The following BICC1 variants were observed in gnomAD, a reference collection of about 807,000 sequenced individuals.
The protein encoded by BICC1 is protein bicaudal C homolog 1.
BICC1 carries 43 observed loss-of-function variants against 111.0 expected under a neutral mutation model. The ratio of observed to expected loss-of-function variants is 0.39; its 90% CI spans 0.30 to 0.50. The LOEUF (loss-of-function observed/expected upper bound fraction) is 0.50. BICC1 is among the 20% of genes least tolerant of loss of function. BICC1 has a pLI of 0.88. For synonymous variants in BICC1, 467 were observed against 434.4 expected, an observed-to-expected ratio of 1.07 and a Z score of -0.93; for missense variants, 1,091 against 1,203.2, an observed-to-expected ratio of 0.91 and a Z score of 1.38.
chr10:58,569,029 A>G (rs143835599), intron 1 of BICC1, among the ~76,000 whole-genome samples: 1 of 152,308 alleles, frequency 6.6e-6, no homozygotes, highest in African/African-American at 2.4e-5. Context: ...TATTCCTAAG[A>G]ATTTTCAGCT....
intron 1 of BICC1, among the ~76,000 whole-genome samples, chr10:58,522,137 G>A (rs1332255844): frequency 2.6e-5 from 4 of 151,902 alleles, no homozygotes; most frequent in South Asian, 2.1e-4. Flanking sequence ...TGGGGGAGGA[G>A]CACAAATCTA....
intron 1 of BICC1, among the ~76,000 whole-genome samples, chr10:58,602,659 A>G (rs1845078769): frequency 6.6e-6 from 1 of 152,342 alleles, no homozygotes; most frequent in South Asian, 2.1e-4. Flanking sequence ...TTAATTTCAT[A>G]AAAGTAGGTG....
chr10:58,791,075 C>G (rs1247437782), intron 8 of BICC1, among the ~76,000 whole-genome samples: 1 of 152,114 alleles, frequency 6.6e-6, no homozygotes, highest in Non-Finnish European at 1.5e-5. Context: ...CAGACAAGAA[C>G]TTGTTGGAAT....
chr10:58,663,004 A>G (rs1838890212), intron 2 of BICC1, among the ~76,000 whole-genome samples: 1 of 151,094 alleles, frequency 6.6e-6, no homozygotes, highest in Admixed American at 6.6e-5. Flanking sequence ...TAAATGAAAG[A>G]TGTCATTTTT....
chr10:58,735,825 G>A (rs1841448871), intron 3 of BICC1, among the ~76,000 whole-genome samples: 1 of 152,142 alleles, frequency 6.6e-6, no homozygotes, highest in Non-Finnish European at 1.5e-5. Context: ...ATACTACAAG[G>A]TAACTGGATT....
intron 3 of BICC1, among the ~76,000 whole-genome samples, chr10:58,757,145 T>C (rs903026792): frequency 1.3e-5 from 2 of 152,206 alleles, no homozygotes; most frequent in Non-Finnish European, 2.9e-5. Context: ...CTTTAGAATA[T>C]ACAAGGACTG....
rs185478717 is a variant in BICC1 at position 58,786,597 on chromosome 10, G to A, written c.388-326G>A. On this transcript the variant is annotated intron_variant, in intron 4 of 20. Transcript: ENST00000373886. The stretch of plus-strand genomic sequence containing the variant: ...TTTAGTTATTTGAATTAAATGTTTC[G>A]TGAATAATGTCTTTAAAGACAAATT... 2.3e-4 allele frequency among the ~76,000 whole-genome samples: 35 copies of A among 152,122 alleles called. No homozygotes were observed. The East Asian group carries it at 5.2e-3, about 23-fold the overall frequency.
At chr10:58,813,777 C>A in intron 17 of BICC1, 53 bp from the exon 18 acceptor site, 2 of 1,580,788 alleles carry the variant, frequency 1.3e-6, no homozygotes, top group South Asian at 2.3e-5. Context: ...TCCTCCCACC[C>A]TGAAAAACCC....
intron 3 of BICC1, among the ~76,000 whole-genome samples, chr10:58,726,968 G>T (rs1484804100): frequency 3.3e-5 from 5 of 152,150 alleles, no homozygotes; most frequent in Non-Finnish European, 4.4e-5. Flanking sequence ...AGGAGGAGGG[G>T]TATATAGGTG....
intron 1 of BICC1, among the ~76,000 whole-genome samples, chr10:58,584,696 G>C (rs1844381430): frequency 6.6e-6 from 1 of 152,036 alleles, no homozygotes; most frequent in Non-Finnish European, 1.5e-5. Context: ...GTCCAACACT[G>C]AAGGGGTTTC....
intron 2 of BICC1, among the ~76,000 whole-genome samples, chr10:58,641,982 A>G (rs1353673791): frequency 6.6e-6 from 1 of 152,224 alleles, no homozygotes; most frequent in Non-Finnish European, 1.5e-5. Context: ...TTTAACATTG[A>G]AACATAGTTA....
At chr10:58,557,296 A>G (rs572909371) in intron 1 of BICC1, among the ~76,000 whole-genome samples, 1 of 147,686 alleles carries the variant, frequency 6.8e-6, no homozygotes, top group Admixed American at 6.8e-5. Flanking sequence ...TGTTTTAAAG[A>G]TTGTCTTTAA....
chr10:58,577,532 T>C (rs1213813100), intron 1 of BICC1, among the ~76,000 whole-genome samples: 1 of 152,198 alleles, frequency 6.6e-6, no homozygotes, highest in African/African-American at 2.4e-5. Flanking sequence ...AGAAACATTT[T>C]TGAGGAAGTC....
chr10:58,661,435 C>G (rs536275023), intron 2 of BICC1, among the ~76,000 whole-genome samples: 1 of 152,184 alleles, frequency 6.6e-6, no homozygotes, highest in South Asian at 2.1e-4. Flanking sequence ...TTATAAAAAT[C>G]AAAGCACCAA....
intron 1 of BICC1, among the ~76,000 whole-genome samples, chr10:58,603,748 C>G (rs1482907430): frequency 6.6e-6 from 1 of 152,046 alleles, no homozygotes; most frequent in African/African-American, 2.4e-5. Context: ...ATTCTACTTG[C>G]AGTGAAAATG....
chr10:58,808,651 G>A (rs1843791453), intron 17 of BICC1, among the ~76,000 whole-genome samples: 1 of 152,076 alleles, frequency 6.6e-6, no homozygotes, highest in South Asian at 2.1e-4. Context: ...TGCTGAGAAG[G>A]GCATTGGAGA....
Position 58,798,461 on chromosome 10 carries a change from GC to G in BICC1, c.1430del (p.Ala477ValfsTer42). 6.2e-7 allele frequency: 1 copy of G among 1,613,298 alleles called. No homozygotes were observed. Reference protein sequence around the residue: ...TSTTPNSLLNALNSSVSPLQS... With the variant: ...TSTTPNSLLNXLNSSVSPLQS... ...AACAACCCCAAACTCACTCTTGAAT[GC>G]TCTTAATAGCTCAGTCAGTCCTTTG... On this transcript the variant is annotated frameshift_variant, in exon 11 of 21. Coordinates refer to ENST00000373886, the MANE Select transcript of BICC1 (RefSeq NM_001080512.3). LOFTEE classifies it high-confidence loss of function.
At chr10:58,607,721 T>C (rs958109118) in intron 1 of BICC1, among the ~76,000 whole-genome samples, 1 of 152,230 alleles carries the variant, frequency 6.6e-6, no homozygotes, top group African/African-American at 2.4e-5. Flanking sequence ...TAAAACTGTT[T>C]CTGCTTTGGT....
At chr10:58,612,079 TATGAG>T (rs1845443370) in intron 1 of BICC1, among the ~76,000 whole-genome samples, 1 of 152,206 alleles carries the variant, frequency 6.6e-6, no homozygotes, top group African/African-American at 2.4e-5. Flanking sequence ...TTCTCACACT[TATGAG>T]ATACAGCATT....
Sources: gnomAD v4.1 joint callset for allele counts (sites outside exome capture counted in the v4.1 genomes callset) on GRCh38, gnomAD v4.1.1 for gene constraint, MANE v1.5 for transcripts, NCBI Gene and HGNC (gene_info 2026-07-23, HGNC 2026-07-21) for gene names.